ST7L: variants seen among roughly 807,000 people sequenced by gnomAD.
ST7L encodes suppressor of tumorigenicity 7 protein-like.
A neutral mutation model predicts 72.5 loss-of-function variants in ST7L; 57 were observed. The ratio of observed to expected loss-of-function variants is 0.79; its 90% confidence interval spans 0.64 to 0.98. The LOEUF (loss-of-function observed/expected upper bound fraction) is 0.98. Among genes scored for constraint, ST7L ranks in the 50% least tolerant of loss-of-function variants. The pLI is 0.00. For synonymous variants in ST7L, 221 were observed against 240.9 expected, an observed-to-expected ratio of 0.92 and a Z score of 0.77; for missense variants, 576 against 672.2, an observed-to-expected ratio of 0.86 and a Z score of 1.58.
upstream of ST7L, chr1:112,619,328 C>T (rs1181704120): frequency 5.0e-6 from 3 of 605,540 alleles, no homozygotes. Context: ...ACAGCAGCGC[C>T]TATTCTGGAG....
intron 11 of ST7L, among the ~76,000 whole-genome samples, chr1:112,565,429 A>C (rs557512285): frequency 1.3e-5 from 2 of 151,956 alleles, no homozygotes; most frequent in African/African-American, 2.4e-5. Flanking sequence ...CTCCAGTTAT[A>C]AGGATTTACT....
At chr1:112,619,240 C>T, upstream of ST7L, 1 of 869,162 alleles carries the variant, frequency 1.2e-6, no homozygotes, top group Non-Finnish European at 1.8e-6. Flanking sequence ...GGAACCGGGA[C>T]CGAGAAGATT....
At chr1:112,617,157 G>C (rs747436320) in intron 1 of ST7L, 5 of 227,148 alleles carry the variant, frequency 2.2e-5, no homozygotes, top group Non-Finnish European at 2.5e-5. Context: ...TAGAACTTTT[G>C]CAAGTCTGTA....
At chr1:112,574,475 C>T (rs1312455274) in intron 11 of ST7L, among the ~76,000 whole-genome samples, 7 of 150,922 alleles carry the variant, frequency 4.6e-5, no homozygotes, top group Admixed American at 1.3e-4. Context: ...CTGGCTAACA[C>T]TGTGAAACCT....
chr1:112,539,988 C>A (rs1440024948), intron 14 of ST7L: 60 of 985,232 alleles, frequency 6.1e-5, no homozygotes, highest in Non-Finnish European at 7.2e-5. Context: ...GAAAAAGAAG[C>A]TTCCATTTAA....
At chr1:112,611,671 G>A (rs1481709736) in intron 2 of ST7L, among the ~76,000 whole-genome samples, 3 of 152,096 alleles carry the variant, frequency 2.0e-5, no homozygotes, top group African/African-American at 7.2e-5. Context: ...CAGACACGGT[G>A]GTTCACGTCT....
chr1:112,518,939 A>C (rs970775690), downstream of ST7L, among the ~76,000 whole-genome samples: 1 of 152,232 alleles, frequency 6.6e-6, no homozygotes, highest in Non-Finnish European at 1.5e-5. Flanking sequence ...ATTACTGAGT[A>C]CTTGGAATAT....
intron 3 of ST7L, among the ~76,000 whole-genome samples, chr1:112,602,074 A>G (rs981620755): frequency 6.7e-6 from 1 of 148,802 alleles, no homozygotes; most frequent in Non-Finnish European, 1.5e-5. Flanking sequence ...ACAAGAGCAA[A>G]ACTCCATCCA....
At position 112,577,060 on chromosome 1, in the gene ST7L, C is replaced by T. The variant is rs763847640; in HGVS notation, c.1171G>A (p.Gly391Arg). The T allele has an allele frequency of 2.5e-6, 4 of 1,605,534 alleles. No individual in the cohort carries two copies. In the East Asian group the frequency reaches 6.7e-5, roughly 27 times the overall value. Residue 391 changes from glycine (G) to arginine (R), a missense_variant, in exon 11 of 15, where the codon GGA becomes AGA. Physicochemically the swap from Gly to Arg is moderately radical, Grantham distance 125 (BLOSUM62 -2). Around this residue, in one of 3 missense-constraint regions of ST7L, gnomAD observed 511 missense variants for 600.7 expected, o/e 0.85. Transcript: ENST00000358039. ...GCATTAATTTCTGCTGTGCTTAATC[C>T]TCTTCTGGAGGCTGTTTCTGGAGAG... ...KFSPETASRR[G>R]LSTAEINAVE...
intron 3 of ST7L, among the ~76,000 whole-genome samples, chr1:112,602,678 G>GT: frequency 6.7e-6 from 1 of 149,960 alleles, no homozygotes; most frequent in Admixed American, 6.6e-5. Context: ...AAATTTAACG[G>GT]TTATTTAGAT....
At chr1:112,570,448 C>A (rs558234498) in intron 11 of ST7L, among the ~76,000 whole-genome samples, 108 of 151,352 alleles carry the variant, frequency 7.1e-4, no homozygotes, top group Admixed American at 5.4e-3. Context: ...TGGAAAGTTG[C>A]CAAAAATATT....
intron 3 of ST7L, among the ~76,000 whole-genome samples, chr1:112,602,667 C>A (rs1403528488): frequency 5.3e-5 from 8 of 150,632 alleles, no homozygotes; most frequent in African/African-American, 1.9e-4. Flanking sequence ...GAGCCACACA[C>A]AAATTTAACG....
chr1:112,533,508 G>A (rs181765303), intron 14 of ST7L, among the ~76,000 whole-genome samples: 48 of 151,930 alleles, frequency 3.2e-4, no homozygotes, highest in African/African-American at 1.0e-3. Flanking sequence ...GTAGAGACGC[G>A]GTTTCACCAT....
intron 1 of ST7L, chr1:112,618,122 G>A (rs939262981): frequency 3.1e-6 from 4 of 1,291,014 alleles, no homozygotes; most frequent in African/African-American, 1.5e-5. Context: ...TTCTGAGGTT[G>A]CTGCTCAGAT....
At chr1:112,585,953 T>C (rs934132865) in intron 6 of ST7L, among the ~76,000 whole-genome samples, 13 of 152,186 alleles carry the variant, frequency 8.5e-5, no homozygotes, top group African/African-American at 3.1e-4. Context: ...TGATGGCAGG[T>C]AGCTATCGTT....
At chr1:112,598,142 T>A in intron 4 of ST7L, 56 bp from the exon 5 acceptor site, 1 of 1,252,060 alleles carries the variant, frequency 8.0e-7, no homozygotes, top group Non-Finnish European at 1.1e-6. Flanking sequence ...ATCTATCTGC[T>A]ATAACAGACA....
chr1:112,554,032 T>C (rs1483612005), intron 12 of ST7L, among the ~76,000 whole-genome samples: 2 of 152,176 alleles, frequency 1.3e-5, no homozygotes, highest in Admixed American at 6.5e-5. Context: ...GAATATTGTA[T>C]TGTGTTTCCA....
intron 9 of ST7L, among the ~76,000 whole-genome samples, chr1:112,580,938 A>G (rs920174978): frequency 6.6e-6 from 1 of 152,200 alleles, no homozygotes. Flanking sequence ...CAATAAAAAA[A>G]TAAAAATAAC....
At chr1:112,567,218 T>G (rs1403288613) in intron 11 of ST7L, among the ~76,000 whole-genome samples, 1 of 152,166 alleles carries the variant, frequency 6.6e-6, no homozygotes, top group Non-Finnish European at 1.5e-5. Flanking sequence ...ACATCTTTTC[T>G]TTTTTTGCCT....
Sources: gnomAD v4.1 joint callset for allele counts (sites outside exome capture counted in the v4.1 genomes callset) on GRCh38, gnomAD v4.1.1 for gene constraint, gnomAD v4.1.1 regional missense constraint, MANE v1.5 for transcripts, NCBI Gene and HGNC (gene_info 2026-07-23, HGNC 2026-07-21) for gene names.